The following REC114 variants were observed in gnomAD, a reference collection of about 807,000 sequenced individuals.
The protein encoded by REC114 is meiotic recombination protein REC114.
A neutral mutation model predicts 31.3 loss-of-function variants in REC114; 27 were observed. That is an observed-to-expected ratio of 0.86 (90% confidence interval 0.64 to 1.19). The LOEUF (loss-of-function observed/expected upper bound fraction) is 1.19, where lower values mean the gene tolerates loss of function less well. REC114 is among the 50% of genes most tolerant of loss of function. The pLI is 0.00. For synonymous variants in REC114, 134 were observed against 127.7 expected, an observed-to-expected ratio of 1.05 and a Z score of -0.33; for missense variants, 344 against 326.9, an observed-to-expected ratio of 1.05 and a Z score of -0.40.
chr15:73,456,816 T>A (rs1004404713), intron 1 of REC114, among the ~76,000 whole-genome samples: 1 of 152,202 alleles, frequency 6.6e-6, no homozygotes, highest in Non-Finnish European at 1.5e-5. Flanking sequence ...TTCTAAGCTC[T>A]ATGCTGTTTG....
chr15:73,471,072 A>G (rs2141292115), intron 1 of REC114, among the ~76,000 whole-genome samples: 1 of 152,282 alleles, frequency 6.6e-6, no homozygotes, highest in African/African-American at 2.4e-5. Flanking sequence ...CAGGGCTGTA[A>G]GCTGGAAATG....
intron 2 of REC114, among the ~76,000 whole-genome samples, chr15:73,479,380 G>A (rs1358817922): frequency 6.6e-6 from 1 of 151,354 alleles, no homozygotes; most frequent in Non-Finnish European, 1.5e-5. Context: ...GTAAAACAAT[G>A]ACTGTAGTCA....
chr15:73,479,861 G>C (rs1893268767), intron 2 of REC114, among the ~76,000 whole-genome samples: 1 of 152,042 alleles, frequency 6.6e-6, no homozygotes, highest in African/African-American at 2.4e-5. Flanking sequence ...GGTTATTTCT[G>C]TATCTCGACT....
chr15:73,473,932 T>C lies in REC114; in HGVS notation c.249+11T>C, dbSNP rs758289770. On this transcript the variant is annotated intron_variant, in intron 2 of 5. Coordinates refer to ENST00000331090, the MANE Select transcript of REC114 (RefSeq NM_001042367.2). ...GGACAGACACTACTGGTAGGTTTTA[T>C]GCATAACAGTTTAATATGGAAATAC... The C allele has an allele frequency of 1.3e-6, 2 of 1,484,110 alleles. No individual in the cohort carries two copies. The highest frequency in any genetic ancestry group is 1.9e-5 in the Admixed American group (1 of 53,818). The allele number at this position is 1,484,110 out of a possible 1,614,324, so 91.9% of individuals were successfully genotyped here.
At chr15:73,453,597 G>A (rs1892880399) in intron 1 of REC114, among the ~76,000 whole-genome samples, 1 of 152,156 alleles carries the variant, frequency 6.6e-6, no homozygotes, top group African/African-American at 2.4e-5. Flanking sequence ...AATACCATTT[G>A]ACCCAGCAAT....
chr15:73,453,989 G>A (rs1892885580), intron 1 of REC114, among the ~76,000 whole-genome samples: 2 of 151,790 alleles, frequency 1.3e-5, no homozygotes. Context: ...GCTGGGGGAG[G>A]GATAGCATTA....
intron 2 of REC114, among the ~76,000 whole-genome samples, chr15:73,518,849 A>G (rs1447298234): frequency 1.3e-5 from 2 of 152,242 alleles, no homozygotes; most frequent in Non-Finnish European, 2.9e-5. Flanking sequence ...TTATAACTTT[A>G]AAAGAGCTAC....
At chr15:73,459,782 T>G (rs1241308324) in intron 1 of REC114, among the ~76,000 whole-genome samples, 2 of 152,204 alleles carry the variant, frequency 1.3e-5, no homozygotes, top group Non-Finnish European at 2.9e-5. Flanking sequence ...TCTTTGCCAG[T>G]GTTGCAGATA....
chr15:73,517,269 G>GGA (rs148410588), intron 2 of REC114, among the ~76,000 whole-genome samples: 8 of 152,248 alleles, frequency 5.3e-5, no homozygotes, highest in Non-Finnish European at 8.8e-5. Context: ...TCTAAGCAAG[G>GGA]GAGTGACAGA....
chr15:73,479,883 T>C (rs1195531949), intron 2 of REC114, among the ~76,000 whole-genome samples: 2 of 152,200 alleles, frequency 1.3e-5, no homozygotes, highest in Non-Finnish European at 2.9e-5. Flanking sequence ...TTGTTAATAA[T>C]GCTGCAGTGA....
chr15:73,456,219 G>C (rs560901504), intron 1 of REC114, among the ~76,000 whole-genome samples: 1 of 152,048 alleles, frequency 6.6e-6, no homozygotes, highest in East Asian at 1.9e-4. Context: ...CTACTAATAA[G>C]TAGACTAATT....
chr15:73,535,865 A>G (rs1894148653), intron 2 of REC114, among the ~76,000 whole-genome samples: 1 of 151,952 alleles, frequency 6.6e-6, no homozygotes, highest in African/African-American at 2.4e-5. Flanking sequence ...CCTCAGAGAT[A>G]ACACCGCATA....
chr15:73,498,811 C>T (rs1567873027), intron 2 of REC114, among the ~76,000 whole-genome samples: 1 of 152,108 alleles, frequency 6.6e-6, no homozygotes, highest in Admixed American at 6.5e-5. Context: ...AATAGCCTTG[C>T]CTCCTTGTTG....
intron 2 of REC114, among the ~76,000 whole-genome samples, chr15:73,500,314 C>T (rs1255256763): frequency 6.6e-6 from 1 of 150,848 alleles, no homozygotes; most frequent in Admixed American, 6.6e-5. Context: ...TTCTTCATCC[C>T]CACTTGCTGT....
At chr15:73,482,447 C>G (rs1893308745) in intron 2 of REC114, among the ~76,000 whole-genome samples, 1 of 152,182 alleles carries the variant, frequency 6.6e-6, no homozygotes, top group Admixed American at 6.5e-5. Flanking sequence ...GAGGCCTCAC[C>G]AGAAGCTGAG....
chr15:73,445,869 G>T (rs1409609541), intron 1 of REC114, among the ~76,000 whole-genome samples: 3 of 152,092 alleles, frequency 2.0e-5, no homozygotes, highest in Non-Finnish European at 4.4e-5. Context: ...TAATGAAAAA[G>T]CTTGAAATAT....
At chr15:73,443,450 C>G (rs901607662) in intron 1 of REC114, 106 bp downstream of exon 1, 34 of 1,304,528 alleles carry the variant, frequency 2.6e-5, no homozygotes, top group Middle Eastern at 2.6e-4. Context: ...CGAGGGGACA[C>G]CGAGTGACTG....
intron 2 of REC114, among the ~76,000 whole-genome samples, chr15:73,492,984 T>C (rs895011734): frequency 6.6e-6 from 1 of 151,750 alleles, no homozygotes; most frequent in South Asian, 2.1e-4. Flanking sequence ...ATTTCTGCCA[T>C]TTTTTTTACT....
At chr15:73,537,984 C>A (rs1196577569) in intron 2 of REC114, among the ~76,000 whole-genome samples, 1 of 152,066 alleles carries the variant, frequency 6.6e-6, no homozygotes, top group Non-Finnish European at 1.5e-5. Context: ...TTTTGCCTAA[C>A]AATACGTGTT....
Sources: allele counts gnomAD v4.1 joint callset (sites outside exome capture counted in the v4.1 genomes callset), GRCh38; gene constraint gnomAD v4.1.1; transcripts MANE v1.5; gene names NCBI Gene and HGNC (gene_info 2026-07-23, HGNC 2026-07-21).